POLQ: variants seen among roughly 807,000 people sequenced by gnomAD.
POLQ encodes the protein epididymis secretory sperm binding protein.
POLQ carries 233 observed loss-of-function variants against 259.2 expected under a neutral mutation model. The observed-to-expected ratio is 0.90, with a 90% CI of 0.81 to 1.00. The LOEUF is 1.00. Ranked by LOEUF, POLQ falls within the 50% of genes least tolerant of loss-of-function variation. POLQ has a pLI of 0.00. For synonymous variants in POLQ, 1,025 were observed against 1,048.8 expected, an observed-to-expected ratio of 0.98 and a Z score of 0.44; for missense variants, 2,871 against 3,051.6, an observed-to-expected ratio of 0.94 and a Z score of 1.39.
rs138455845 is a variant in POLQ at position 121,488,395 on chromosome 3, G to C, written c.4536C>G (p.Pro1512=). ...GGTTTGATGTTACTTCTGAAGGAAG[G>C]GGTTCTTTCATTTGCATATCAGGTA... The part of the protein sequence containing the change: ...EQLPDMQMKE[P]LPSEVTSNHF... Residue 1512 remains proline, a synonymous_variant, in exon 16 of 30, where the codon CCC becomes CCG. Coordinates refer to ENST00000264233, the MANE Select transcript of POLQ (RefSeq NM_199420.4). The C allele has an allele frequency of 2.5e-6, 4 of 1,611,184 alleles. No homozygotes were observed. In the African/African-American group the frequency reaches 5.3e-5, roughly 22 times the overall value.
chr3:121,454,733 C>G (rs1046207120), intron 25 of POLQ, among the ~76,000 whole-genome samples: 5 of 152,194 alleles, frequency 3.3e-5, no homozygotes, highest in African/African-American at 9.7e-5. Context: ...ATTCATAAAG[C>G]AAGTCCTGAG....
chr3:121,440,733 TTCCACA>T (rs2047584839), intron 26 of POLQ, among the ~76,000 whole-genome samples: 1 of 152,164 alleles, frequency 6.6e-6, no homozygotes, highest in Admixed American at 6.6e-5. Context: ...CTTAAGACTA[TTCCACA>T]TCACTTTTCA....
intron 24 of POLQ, among the ~76,000 whole-genome samples, chr3:121,462,664 CT>C (rs1372835525): frequency 6.6e-6 from 1 of 152,160 alleles, no homozygotes; most frequent in Non-Finnish European, 1.5e-5. Flanking sequence ...AGCTGAACAA[CT>C]ACTTCAACAA....
rs777399934 is a variant in POLQ at position 121,539,547 on chromosome 3, C to G, written c.517G>C (p.Gly173Arg). The G allele has an allele frequency of 5.0e-6, 8 of 1,612,448 alleles. No individual in the cohort carries two copies. Among genetic ancestry groups the G allele is most frequent in the Non-Finnish European group, 6.8e-6 (8 of 1,178,580 alleles). ...EVGIKVDGYMGSTSPSRHFSS... is the reference protein window; with the variant it reads ...EVGIKVDGYMRSTSPSRHFSS... ...AAATGCCTTGATGGAGAGGTGCTGC[C>G]CATATAACCGTCTACTTTTATTCCT... The change falls in exon 4 of 30, where the codon GGC (glycine) becomes CGC (arginine). Residue 173 changes from glycine to arginine, a missense_variant. Gly to Arg is a moderately radical substitution (Grantham distance 125). Around this residue, in one of 3 missense-constraint regions of POLQ, gnomAD observed 783 missense variants for 906.2 expected, o/e 0.86. Coordinates refer to ENST00000264233, the MANE Select transcript of POLQ (RefSeq NM_199420.4).
rs1185296633 is a variant in POLQ at position 121,487,674 on chromosome 3, G to T, written c.5257C>A (p.Leu1753Ile). The T allele has an allele frequency of 1.9e-6, 3 of 1,613,594 alleles. No homozygotes were observed. Among genetic ancestry groups the T allele is most frequent in the Admixed American group, 1.7e-5 (1 of 59,996 alleles). Residue 1753 changes from leucine (L) to isoleucine (I), a missense_variant, in exon 16 of 30, where the codon CTT becomes ATT. Leu to Ile is a conservative substitution (Grantham distance 5). This residue lies in a region of POLQ where 2,080 missense variants were observed against 2,126.0 expected (regional missense o/e 0.98). Transcript: ENST00000264233. ...TTCCAAGGGTTTACAGGTGTTTCAA[G>T]AATCCCTGGAAATGTCAGCTTAGAA... ...SASKLTFPGI[L>I]ETPVNPWKTN...
chr3:121,501,759 T>C (rs753807650), intron 12 of POLQ, among the ~76,000 whole-genome samples: 9 of 149,710 alleles, frequency 6.0e-5, no homozygotes, highest in African/African-American at 7.4e-5. Context: ...TGGGCGGGGT[T>C]TGGATCACTT....
At chr3:121,453,643 A>C (rs1280796421) in intron 25 of POLQ, among the ~76,000 whole-genome samples, 1 of 151,184 alleles carries the variant, frequency 6.6e-6, no homozygotes, top group Non-Finnish European at 1.5e-5. Flanking sequence ...GGTATCAGTG[A>C]TGGAAGATGA....
At chr3:121,480,157 A>C (rs2047959316) in intron 19 of POLQ, among the ~76,000 whole-genome samples, 1 of 151,698 alleles carries the variant, frequency 6.6e-6, no homozygotes, top group African/African-American at 2.4e-5. Flanking sequence ...AATAAAAAGA[A>C]AAAAAAGATT....
intron 25 of POLQ, among the ~76,000 whole-genome samples, chr3:121,451,784 G>A (rs567463994): frequency 1.3e-4 from 20 of 152,270 alleles, no homozygotes; most frequent in African/African-American, 2.9e-4. Flanking sequence ...CTCAAACTCC[G>A]TGCGGGGAGA....
Position 121,432,898 on chromosome 3 carries a change from C to A in POLQ, c.7659+20G>T. ...GTGTCTTGTCTTCCTATGGAATGGA[C>A]ACAAGCATTGCAAAAATACCTGAAC... On this transcript the variant is annotated intron_variant, in intron 29 of 29. Coordinates refer to ENST00000264233, the MANE Select transcript of POLQ (RefSeq NM_199420.4). 1 of 1,319,048 alleles carries A rather than the reference C, an allele frequency of 7.6e-7. No individual in the cohort carries two copies. The highest frequency in any genetic ancestry group is 1.1e-6 in the Non-Finnish European group (1 of 911,388). The allele number at this position is 1,319,048 out of a possible 1,614,324, so 81.7% of individuals were successfully genotyped here.
chr3:121,502,314 G>T (rs1056772297), intron 12 of POLQ, among the ~76,000 whole-genome samples: 1 of 152,040 alleles, frequency 6.6e-6, no homozygotes, highest in African/African-American at 2.4e-5. Flanking sequence ...AGTGATTCTT[G>T]TGCTTCAGCC....
intron 6 of POLQ, among the ~76,000 whole-genome samples, chr3:121,532,679 G>A (rs565014673): frequency 4.6e-4 from 69 of 151,232 alleles, no homozygotes; most frequent in African/African-American, 1.6e-3. Flanking sequence ...GATTACAGGC[G>A]CCCACCACCA....
At position 121,490,046 on chromosome 3, in the gene POLQ, CTTTTA is replaced by C; in HGVS notation, c.2880_2884del (p.Asn960LysfsTer2). 1 of 1,574,526 alleles carries C rather than the reference CTTTTA, an allele frequency of 6.4e-7. No homozygotes were observed. Among genetic ancestry groups the C allele is most frequent in the South Asian group, 1.2e-5 (1 of 83,014 alleles). ...ATTAAAGGAACTTGTATGCTCTCTA[CTTTTA>C]TTTAAGTCTTGCACTATATTTGGTG... On this transcript the variant is annotated frameshift_variant, in exon 16 of 30. Transcript: ENST00000264233. LOFTEE classifies it high-confidence loss of function.
intron 25 of POLQ, among the ~76,000 whole-genome samples, chr3:121,451,240 C>A (rs1404234416): frequency 2.0e-5 from 3 of 152,300 alleles, no homozygotes; most frequent in Admixed American, 2.0e-4. Flanking sequence ...CAAACTTCCT[C>A]CTTTAGCTCG....
chr3:121,486,146 AAGATAAATCT>A, intron 16 of POLQ, among the ~76,000 whole-genome samples: 2 of 152,366 alleles, frequency 1.3e-5, no homozygotes, highest in South Asian at 4.1e-4. Context: ...AGTTCTACTC[AAGATAAATCT>A]TGGAAAATGT....
chr3:121,438,982 T>A (rs2047566114), intron 27 of POLQ, among the ~76,000 whole-genome samples: 1 of 152,120 alleles, frequency 6.6e-6, no homozygotes, highest in Admixed American at 6.5e-5. Flanking sequence ...TTATATACAA[T>A]GTCTAATGAG....
intron 27 of POLQ, 83 bp downstream of exon 27, chr3:121,439,909 C>A: frequency 8.2e-7 from 1 of 1,216,694 alleles, no homozygotes; most frequent in Non-Finnish European, 1.2e-6. Context: ...ATCCCTAAAA[C>A]GGATATTTGT....
At chr3:121,516,007 G>A (rs1286281817) in intron 9 of POLQ, among the ~76,000 whole-genome samples, 1 of 151,892 alleles carries the variant, frequency 6.6e-6, no homozygotes, top group Non-Finnish European at 1.5e-5. Context: ...AGAAATCTTA[G>A]AGATGAAGAG....
rs1464904700 is a variant in POLQ at position 121,520,081 on chromosome 3, G to A, written c.1258C>T (p.Leu420Phe). Residue 420 changes from leucine (L) to phenylalanine (F), a missense_variant and splice_region_variant, in exon 9 of 30, where the codon CTT (leucine) becomes TTT (phenylalanine). Transcript: ENST00000264233. ...PWGVAFHHAG[L>F]TFEERDIIEG... is the part of the protein sequence containing the mutation. ...ATGATATCCCTCTCCTCAAAAGTAAGACCTAAAAAAAGGAGGTTTTTATAT... is the reference window on the plus strand; with the variant it reads ...ATGATATCCCTCTCCTCAAAAGTAAAACCTAAAAAAAGGAGGTTTTTATAT... 7 of 1,596,334 alleles carry A rather than the reference G, an allele frequency of 4.4e-6. No individual in the cohort carries two copies. In the South Asian group the frequency reaches 6.7e-5, roughly 15 times the overall value.
Sources: gnomAD v4.1 joint callset for allele counts (sites outside exome capture counted in the v4.1 genomes callset) on GRCh38, gnomAD v4.1.1 for gene constraint, gnomAD v4.1.1 regional missense constraint, MANE v1.5 for transcripts, NCBI Gene and HGNC (gene_info 2026-07-23, HGNC 2026-07-21) for gene names.